The following DIS3 variants were observed in gnomAD, a reference collection of about 807,000 sequenced individuals.
DIS3 encodes exosome complex exonuclease RRP44.
A neutral mutation model predicts 113.0 loss-of-function variants in DIS3; 103 were observed. That is an observed-to-expected ratio of 0.91 (90% CI 0.78 to 1.07). The LOEUF is 1.07. Among genes scored for constraint, DIS3 ranks in the 50% least tolerant of loss-of-function variants. The pLI is 0.00. For missense variants in DIS3, 1,121 were observed against 1,167.1 expected, an observed-to-expected ratio of 0.96 and a Z score of 0.58; for synonymous variants, 402 against 394.3, an observed-to-expected ratio of 1.02 and a Z score of -0.23.
Position 72,755,150 on chromosome 13 carries a change from G to A in DIS3, c.*4645C>T, listed in dbSNP as rs1230153747. On this transcript the variant is annotated 3_prime_UTR_variant, in exon 21 of 21. Coordinates refer to ENST00000377767, the MANE Select transcript of DIS3 (RefSeq NM_014953.5). ...ACAAGGTATTGTCTTCTTTTTCACA[G>A]CAAGACCACACAACACAGAGGTGTT... The A allele has an allele frequency of 2.5e-5, 40 of 1,613,352 alleles. No individual in the cohort carries two copies. Among genetic ancestry groups the A allele is most frequent in the Non-Finnish European group, 3.1e-5 (37 of 1,179,688 alleles).
rs370200384 is a variant in DIS3, at chr13:72,753,836, T to G, written c.*5959A>C. 199 of 1,600,006 alleles carry G rather than the reference T, an allele frequency of 1.2e-4. No individual in the cohort carries two copies. In the African/African-American group the frequency reaches 2.4e-3, roughly 19 times the overall value. On this transcript the variant is annotated 3_prime_UTR_variant, in exon 21 of 21. Coordinates refer to ENST00000377767, the MANE Select transcript of DIS3 (RefSeq NM_014953.5). Reference sequence around the variant, plus strand: ...TTAATATGAAGGTACGGAGAAAATATAGTGAAAGCTTAATATTGTTTAGAT... The same window carrying G: ...TTAATATGAAGGTACGGAGAAAATAGAGTGAAAGCTTAATATTGTTTAGAT...
At chr13:72,778,427 G>C (rs761433923) in intron 2 of DIS3, 47 bp from the exon 3 acceptor site, 1 of 1,478,484 alleles carries the variant, frequency 6.8e-7, no homozygotes, top group Non-Finnish European at 9.1e-7. Flanking sequence ...GTAGAAACAA[G>C]GATATGTGAA....
intron 2 of DIS3, 86 bp from the exon 3 acceptor site, chr13:72,778,466 T>C: frequency 9.0e-7 from 1 of 1,106,826 alleles, no homozygotes; most frequent in Non-Finnish European, 1.2e-6. Context: ...GCTTAACCAC[T>C]AAACTAGAAA....
chr13:72,777,712 C>T (rs2034050692), intron 3 of DIS3, among the ~76,000 whole-genome samples: 2 of 151,834 alleles, frequency 1.3e-5, no homozygotes, highest in South Asian at 4.2e-4. Context: ...CTTAGCCTCC[C>T]GAGTAGCTGG....
intron 16 of DIS3, among the ~76,000 whole-genome samples, chr13:72,762,984 A>G (rs1032886850): frequency 2.0e-5 from 3 of 152,172 alleles, no homozygotes; most frequent in Admixed American, 2.0e-4. Flanking sequence ...ATCCAGCTTT[A>G]GCATAGGGTG....
At chr13:72,779,163 C>G (rs1432437203) in intron 2 of DIS3, among the ~76,000 whole-genome samples, 1 of 149,740 alleles carries the variant, frequency 6.7e-6, no homozygotes, top group African/African-American at 2.5e-5. Flanking sequence ...CTCTGTAGCT[C>G]AGGCTGGAGT....
chr13:72,771,682 T>A, intron 11 of DIS3, 113 bp downstream of exon 11: 1 of 988,150 alleles, frequency 1.0e-6, no homozygotes, highest in Non-Finnish European at 1.5e-6. Context: ...ATTTGCAATA[T>A]ATTTAGTGAT....
At position 72,772,175 on chromosome 13, in the gene DIS3, T is replaced by A. The variant is rs1342497064; in HGVS notation, c.1487A>T (p.Glu496Val). The A allele has an allele frequency of 6.2e-7, 1 of 1,612,750 alleles. No homozygotes were observed. Among genetic ancestry groups the A allele is most frequent in the Non-Finnish European group, 8.5e-7 (1 of 1,179,694 alleles). Residue 496 changes from glutamate to valine, a missense_variant, in exon 10 of 21, where the codon GAA becomes GTA. Glu to Val is a moderately radical substitution (Grantham distance 121). Around this residue, in one of 3 missense-constraint regions of DIS3, gnomAD observed 861 missense variants for 915.5 expected, o/e 0.94. Coordinates refer to ENST00000377767, the MANE Select transcript of DIS3 (RefSeq NM_014953.5). ...IDDALHCREL[E>V]NGNLEVGVHI... ...TATGAATACCTCCAAATTTCCATTT[T>A]CGAGTTCTCGACAATGTAGAGCATC...
chr13:72,753,528 C>A lies in DIS3; in HGVS notation c.*6267G>T. 1 of 675,830 alleles carries A rather than the reference C, an allele frequency of 1.5e-6. No homozygotes were observed. The highest frequency in any genetic ancestry group is 3.2e-5 in the Admixed American group (1 of 31,416). 41.9% of individuals were successfully genotyped at this position (675,830 alleles called of 1,614,324 possible). On this transcript the variant is annotated 3_prime_UTR_variant, in exon 21 of 21. Transcript: ENST00000377767. ...AATAATCAGTACTATGCAGGACTAC[C>A]TTTTATATTTGTGCATTACTTTTGA...
Position 72,781,835 on chromosome 13 carries a change from T to C in DIS3, c.-3A>G, listed in dbSNP as rs1178742439. 1.3e-6 allele frequency: 2 copies of C among 1,576,118 alleles called. No homozygotes were observed. Among genetic ancestry groups the C allele is most frequent in the African/African-American group, 1.4e-5 (1 of 73,908 alleles). On this transcript the variant is annotated 5_prime_UTR_variant, in exon 1 of 21. Transcript: ENST00000377767. Reference sequence around the variant, plus strand: ...AAGAACGTCTTGGACTTGAGCATCTTGCCTCGCCGCGCAGAATCCTAACCC... The same window carrying C: ...AAGAACGTCTTGGACTTGAGCATCTCGCCTCGCCGCGCAGAATCCTAACCC...
Position 72,756,513 on chromosome 13 carries a change from T to G in DIS3, c.*3282A>C, listed in dbSNP as rs1817121135. The stretch of plus-strand genomic sequence containing the variant: ...ATAACACAATAGTGACTATAACCTG[T>G]ATTCAAATCCCTACTCTGTCACTAC... On this transcript the variant is annotated 3_prime_UTR_variant, in exon 21 of 21. Coordinates refer to ENST00000377767, the MANE Select transcript of DIS3 (RefSeq NM_014953.5). 1 of 152,222 alleles carries G rather than the reference T, an allele frequency of 6.6e-6. No homozygotes were observed. The highest frequency in any genetic ancestry group is 6.5e-5 in the Admixed American group (1 of 15,282). The allele number at this position is 152,222 out of a possible 1,614,324, so 9.4% of individuals were successfully genotyped here. A position where few individuals can be genotyped will look rare whatever the true frequency, so the allele number is the denominator to read the frequency against.
chr13:72,774,443 A>G (rs2033959673), intron 6 of DIS3, among the ~76,000 whole-genome samples: 1 of 152,132 alleles, frequency 6.6e-6, no homozygotes, highest in Non-Finnish European at 1.5e-5. Context: ...TGGTATGGTG[A>G]CTAGTTCCCT....
chr13:72,763,957 C>G (rs1184347294), intron 15 of DIS3, among the ~76,000 whole-genome samples: 1 of 152,070 alleles, frequency 6.6e-6, no homozygotes, highest in African/African-American at 2.4e-5. Context: ...GAGGACCAGT[C>G]TGGCCAACAT....
chr13:72,753,324 A>G lies in DIS3; in HGVS notation c.*6471T>C, dbSNP rs891726234. On this transcript the variant is annotated 3_prime_UTR_variant, in exon 21 of 21. Transcript: ENST00000377767. ...CACTTTTTTAAAGGCAGCATGCCTC[A>G]AGCCATTTAGAGACAAGCCTGGAAA... 1 of 166,764 alleles carries G rather than the reference A, an allele frequency of 6.0e-6. No homozygotes were observed. The highest frequency in any genetic ancestry group is 1.3e-5 in the Non-Finnish European group (1 of 77,516). 10.3% of individuals were successfully genotyped at this position (166,764 alleles called of 1,614,324 possible).
rs887599210 is a variant in DIS3, at chr13:72,755,599, A to G, written c.*4196T>C. On this transcript the variant is annotated 3_prime_UTR_variant, in exon 21 of 21. Transcript: ENST00000377767. ...ACTATGTTAAAACTGAAGGCACTAT[A>G]TATTTTTACATAAAAGCTTGAACAT... The G allele has an allele frequency of 2.9e-6, 1 of 344,676 alleles. No homozygotes were observed. 21.4% of individuals were successfully genotyped at this position (344,676 alleles called of 1,614,324 possible).
Position 72,773,670 on chromosome 13 carries a change from T to C in DIS3, c.1239+14A>G. 1 of 1,597,660 alleles carries C rather than the reference T, an allele frequency of 6.3e-7. No homozygotes were observed. The highest frequency in any genetic ancestry group is 8.5e-7 in the Non-Finnish European group (1 of 1,175,756). Reference sequence around the variant, plus strand: ...ATTAAACATCCCCACATAAAATTAATACTTTAAGCTTACATTTGGATATCT... The same window carrying C: ...ATTAAACATCCCCACATAAAATTAACACTTTAAGCTTACATTTGGATATCT... On this transcript the variant is annotated intron_variant, in intron 8 of 20. Transcript: ENST00000377767.
At position 72,753,869 on chromosome 13, in the gene DIS3, A is replaced by G. The variant is rs765520755; in HGVS notation, c.*5926T>C. The G allele has an allele frequency of 5.3e-6, 8 of 1,508,978 alleles. No homozygotes were observed. The highest frequency in any genetic ancestry group is 2.4e-5 in the South Asian group (2 of 82,842). 93.5% of individuals were successfully genotyped at this position (1,508,978 alleles called of 1,614,324 possible). A position where few individuals can be genotyped will look rare whatever the true frequency, so the allele number is the denominator to read the frequency against. On this transcript the variant is annotated 3_prime_UTR_variant, in exon 21 of 21. Coordinates refer to ENST00000377767, the MANE Select transcript of DIS3 (RefSeq NM_014953.5). ...GCTTAATATTGTTTAGATTAGAAAT[A>G]TAAAATAATTTTGATTATTAGACAA...
Position 72,772,008 on chromosome 13 carries a change from T to C in DIS3, c.1504-112A>G, listed in dbSNP as rs1208889653. The C allele has an allele frequency of 3.1e-6, 4 of 1,310,698 alleles. No homozygotes were observed. In the East Asian group the frequency reaches 7.0e-5, roughly 23 times the overall value. 81.2% of individuals were successfully genotyped at this position (1,310,698 alleles called of 1,614,324 possible). On this transcript the variant is annotated intron_variant, in intron 10 of 20. Transcript: ENST00000377767. ...AATTTAAAAAAGACTCAGTCACCTC[T>C]ACCATTTCAACTTCTGACATATGGC... is the stretch of plus-strand genomic sequence containing the variant.
intron 6 of DIS3, among the ~76,000 whole-genome samples, chr13:72,774,748 A>G (rs1217130086): frequency 9.2e-5 from 14 of 152,216 alleles, no homozygotes; most frequent in Admixed American, 3.9e-4. Context: ...ATCATAAGAA[A>G]TAACTGAAAG....
Sources: allele counts gnomAD v4.1 joint callset (sites outside exome capture counted in the v4.1 genomes callset), GRCh38; gene constraint gnomAD v4.1.1; regional missense constraint gnomAD v4.1.1; transcripts MANE v1.5; gene names NCBI Gene and HGNC (gene_info 2026-07-23, HGNC 2026-07-21).